The following RSRC1 variants were observed in gnomAD, a reference collection of about 807,000 sequenced individuals.
RSRC1 encodes serine/Arginine-related protein 53.
Under a neutral mutation model 49.1 loss-of-function variants are expected in RSRC1, and 39 were observed. That is an observed-to-expected ratio of 0.79 (90% CI 0.61 to 1.04). RSRC1 has a LOEUF of 1.04. Among genes scored for constraint, RSRC1 ranks in the 50% least tolerant of loss-of-function variants. The probability of loss-of-function intolerance (pLI) is 0.00; values close to 1 mark genes in which losing one functional copy is unlikely to be tolerated. For synonymous variants in RSRC1, 143 were observed against 130.8 expected (o/e 1.09, Z -0.63); for missense variants, 388 against 402.4 (o/e 0.96, Z 0.31).
chr3:158,405,638 T>G (rs1734125795), intron 6 of RSRC1, among the ~76,000 whole-genome samples: 2 of 152,104 alleles, frequency 1.3e-5, no homozygotes, highest in African/African-American at 4.8e-5. Flanking sequence ...TTGAAGTGGT[T>G]TCAGGGCTTT....
At chr3:158,332,232 C>T (rs1216701161) in intron 5 of RSRC1, among the ~76,000 whole-genome samples, 1 of 152,110 alleles carries the variant, frequency 6.6e-6, no homozygotes, top group East Asian at 1.9e-4. Flanking sequence ...TAACTAACAA[C>T]ACCCATAGTT....
chr3:158,513,527 A>G (rs1464512633), intron 7 of RSRC1, among the ~76,000 whole-genome samples: 1 of 152,148 alleles, frequency 6.6e-6, no homozygotes, highest in Non-Finnish European at 1.5e-5. Context: ...CCAGTATTTT[A>G]TTGAGGATTT....
chr3:158,192,072 G>A (rs533858640), intron 3 of RSRC1, among the ~76,000 whole-genome samples: 47 of 151,548 alleles, frequency 3.1e-4, no homozygotes, highest in African/African-American at 9.0e-4. Context: ...TTTTTCACAC[G>A]TATTTTCTTC....
chr3:158,266,275 T>C (rs1459485782), intron 4 of RSRC1, among the ~76,000 whole-genome samples: 1 of 152,160 alleles, frequency 6.6e-6, no homozygotes, highest in Non-Finnish European at 1.5e-5. Flanking sequence ...CTTTGATCTT[T>C]TTGTAGCTAC....
chr3:158,328,332 G>A (rs1428699277), intron 5 of RSRC1, among the ~76,000 whole-genome samples: 2 of 152,106 alleles, frequency 1.3e-5, no homozygotes, highest in East Asian at 1.9e-4. Flanking sequence ...TAGCATCGAT[G>A]GTCTTTACAA....
Position 158,354,892 on chromosome 3 carries a change from G to A in RSRC1, c.567G>A (p.Leu189=), listed in dbSNP as rs1731075413. Residue 189 remains leucine, a synonymous_variant, in exon 6 of 10, where the codon CTG becomes CTA. Coordinates refer to ENST00000611884, the MANE Select transcript of RSRC1 (RefSeq NM_001271838.2). ...AACAGGCCAAAGCCAGACTACAGCT[G>A]GTTCTTGAAGCTGCTGGTAAGTGTT... ...PAEQAKARLQ[L]VLEAAAKADE... 6.5e-7 allele frequency: 1 copy of A among 1,543,150 alleles called. No individual in the cohort carries two copies.
intron 4 of RSRC1, among the ~76,000 whole-genome samples, chr3:158,209,525 G>T (rs1204128784): frequency 6.6e-6 from 1 of 152,036 alleles, no homozygotes; most frequent in South Asian, 2.1e-4. Flanking sequence ...TTCGTAATTT[G>T]AATAACTTTA....
chr3:158,544,303 G>A lies in RSRC1; in HGVS notation c.*28G>A. On this transcript the variant is annotated 3_prime_UTR_variant, in exon 10 of 10. Transcript: ENST00000611884. Reference sequence around the variant, plus strand: ...AATATACATATAGTTGGATTGGATTGTCAGCAGTAACATTGGAAATTTAGG... The same window carrying A: ...AATATACATATAGTTGGATTGGATTATCAGCAGTAACATTGGAAATTTAGG... 7.2e-7 allele frequency: 1 copy of A among 1,396,626 alleles called. No individual in the cohort carries two copies. Among genetic ancestry groups the A allele is most frequent in the South Asian group, 1.3e-5 (1 of 76,374 alleles). 86.5% of individuals were successfully genotyped at this position (1,396,626 alleles called of 1,614,324 possible). A position where few individuals can be genotyped will look rare whatever the true frequency, so the allele number is the denominator to read the frequency against.
chr3:158,191,643 T>C (rs2108264556), intron 3 of RSRC1, among the ~76,000 whole-genome samples: 1 of 152,146 alleles, frequency 6.6e-6, no homozygotes, highest in Admixed American at 6.6e-5. Flanking sequence ...TGCCACATTT[T>C]TTATCAAATG....
At chr3:158,497,989 T>C (rs1739427345) in intron 7 of RSRC1, among the ~76,000 whole-genome samples, 1 of 152,192 alleles carries the variant, frequency 6.6e-6, no homozygotes, top group Non-Finnish European at 1.5e-5. Flanking sequence ...TTTGAGTTGG[T>C]TTCACGATTT....
At chr3:158,367,152 G>A (rs1731811400) in intron 6 of RSRC1, among the ~76,000 whole-genome samples, 1 of 151,784 alleles carries the variant, frequency 6.6e-6, no homozygotes, top group Non-Finnish European at 1.5e-5. Context: ...TCTTGCCCTG[G>A]CCAGACCTTC....
At chr3:158,472,770 A>C (rs892182486) in intron 7 of RSRC1, among the ~76,000 whole-genome samples, 4 of 152,004 alleles carry the variant, frequency 2.6e-5, no homozygotes, top group African/African-American at 9.7e-5. Context: ...AGATTGCAAA[A>C]ATTTTCTCCC....
intron 6 of RSRC1, among the ~76,000 whole-genome samples, chr3:158,375,370 T>TA (rs1315218943): frequency 6.6e-6 from 1 of 151,210 alleles, no homozygotes; most frequent in Non-Finnish European, 1.5e-5. Context: ...CATATCCTTT[T>TA]TTTTTTTTTC....
rs182906042 is a variant in RSRC1, at chr3:158,213,941, G to A, written c.494+10696G>A. ...CTCTCTAGGCAAAGACAGCTTTAGT[G>A]TAGTCAGCCTTCCATACCCGCAGGT... On this transcript the variant is annotated intron_variant, in intron 4 of 9. Transcript: ENST00000611884. 3.9e-5 allele frequency among the ~76,000 whole-genome samples: 6 copies of A among 151,992 alleles called. No homozygotes were observed. The East Asian group carries it at 9.7e-4, about 25-fold the overall frequency.
intron 5 of RSRC1, among the ~76,000 whole-genome samples, chr3:158,305,543 C>T (rs1441033740): frequency 6.6e-6 from 1 of 151,950 alleles, no homozygotes; most frequent in African/African-American, 2.4e-5. Flanking sequence ...TGCAGGGCAT[C>T]CCATGTGGTA....
intron 4 of RSRC1, among the ~76,000 whole-genome samples, chr3:158,235,769 A>T (rs1723206337): frequency 6.6e-6 from 1 of 152,218 alleles, no homozygotes; most frequent in Non-Finnish European, 1.5e-5. Context: ...TTTTCAGTTT[A>T]TAAACAAGAT....
intron 6 of RSRC1, among the ~76,000 whole-genome samples, chr3:158,448,106 G>A (rs1286778239): frequency 2.0e-5 from 3 of 151,794 alleles, no homozygotes; most frequent in East Asian, 3.9e-4. Flanking sequence ...TCTTGGAATG[G>A]GAGTTATCAT....
At chr3:158,400,875 G>A (rs997896377) in intron 6 of RSRC1, among the ~76,000 whole-genome samples, 3 of 151,862 alleles carry the variant, frequency 2.0e-5, no homozygotes, top group East Asian at 1.9e-4. Flanking sequence ...TCAATTAACC[G>A]CTCATTGACT....
chr3:158,519,787 C>T (rs1576604453), intron 7 of RSRC1, among the ~76,000 whole-genome samples: 2 of 151,978 alleles, frequency 1.3e-5, no homozygotes, highest in African/African-American at 2.4e-5. Context: ...AAGGCTAGAG[C>T]TAAAGATTTG....
Sources: allele counts gnomAD v4.1 joint callset (sites outside exome capture counted in the v4.1 genomes callset), GRCh38; gene constraint gnomAD v4.1.1; transcripts MANE v1.5; gene names NCBI Gene and HGNC (gene_info 2026-07-23, HGNC 2026-07-21).